METAP1D: variants seen among roughly 807,000 people sequenced by gnomAD.
The protein encoded by METAP1D is methionyl aminopeptidase type 1D, mitochondrial.
A neutral mutation model predicts 40.5 loss-of-function variants in METAP1D; 31 were observed. The ratio of observed to expected loss-of-function variants is 0.77; its 90% CI spans 0.58 to 1.03. METAP1D has a LOEUF of 1.03. METAP1D is among the 50% of genes least tolerant of loss of function. The pLI is 0.00. For synonymous variants in METAP1D, 151 were observed against 146.4 expected (o/e 1.03, Z -0.22); for missense variants, 411 against 420.7 (o/e 0.98, Z 0.20).
At chr2:172,036,178 G>C (rs962483627) in intron 1 of METAP1D, among the ~76,000 whole-genome samples, 1 of 151,004 alleles carries the variant, frequency 6.6e-6, no homozygotes, top group Non-Finnish European at 1.5e-5. Flanking sequence ...TTAGCTGGGC[G>C]TGGTGGCGGG....
intron 1 of METAP1D, among the ~76,000 whole-genome samples, chr2:172,019,297 C>T (rs1364996274): frequency 6.6e-6 from 1 of 151,864 alleles, no homozygotes; most frequent in Non-Finnish European, 1.5e-5. Context: ...GTACTCCAGC[C>T]TAGGTTAGAA....
At chr2:172,053,354 G>A (rs988917162) in intron 1 of METAP1D, among the ~76,000 whole-genome samples, 3 of 152,136 alleles carry the variant, frequency 2.0e-5, no homozygotes, top group African/African-American at 7.2e-5. Flanking sequence ...ACTGTAGGAG[G>A]CAACATTTTT....
intron 6 of METAP1D, among the ~76,000 whole-genome samples, chr2:172,071,601 T>C (rs1190840669): frequency 6.6e-6 from 1 of 152,226 alleles, no homozygotes; most frequent in African/African-American, 2.4e-5. Flanking sequence ...ATTTTTCCTG[T>C]AAACCGTTGT....
chr2:172,065,548 A>C, intron 3 of METAP1D, 56 bp from the exon 4 acceptor site: 1 of 1,580,182 alleles, frequency 6.3e-7, no homozygotes, highest in Non-Finnish European at 8.7e-7. Flanking sequence ...CATAGTTGAT[A>C]AATACAAGAA....
At position 171,999,977 on chromosome 2, in the gene METAP1D, C is replaced by T. The variant is rs751008827; in HGVS notation, c.8C>T (p.Ala3Val). The change falls in exon 1 of 10, where the codon GCG becomes GTG. Residue 3 changes from alanine to valine, a missense_variant. Transcript: ENST00000315796. Reference protein sequence around the residue: MAAPSGVHLLVRR... With the variant: MAVPSGVHLLVRR... ...CACGTGACCGACGCCAACATGGCGGCGCCCAGTGGCGTCCACCTGCTCGTC... is the reference window on the plus strand; with the variant it reads ...CACGTGACCGACGCCAACATGGCGGTGCCCAGTGGCGTCCACCTGCTCGTC... 3.7e-6 allele frequency: 5 copies of T among 1,352,148 alleles called. No homozygotes were observed. Among genetic ancestry groups the T allele is most frequent in the Non-Finnish European group, 4.8e-6 (5 of 1,045,264 alleles). 83.8% of individuals were successfully genotyped at this position (1,352,148 alleles called of 1,614,324 possible).
chr2:172,060,408 C>A (rs934203980), intron 1 of METAP1D, among the ~76,000 whole-genome samples: 5 of 147,434 alleles, frequency 3.4e-5, no homozygotes, highest in African/African-American at 5.0e-5. Flanking sequence ...CAGAGCAAGA[C>A]CCTGTCTCAA....
chr2:172,034,986 C>CTT (rs66853451), intron 1 of METAP1D, among the ~76,000 whole-genome samples: 77 of 135,600 alleles, frequency 5.7e-4, no homozygotes, highest in East Asian at 4.4e-3. Flanking sequence ...GAATTTTTTT[C>CTT]TTTTTTTTTT....
At chr2:172,032,205 C>T (rs1283776583) in intron 1 of METAP1D, among the ~76,000 whole-genome samples, 2 of 152,148 alleles carry the variant, frequency 1.3e-5, no homozygotes, top group African/African-American at 2.4e-5. Flanking sequence ...TCATCCCACT[C>T]CCGAAATAAA....
chr2:172,007,280 C>T (rs1459890677), intron 1 of METAP1D, among the ~76,000 whole-genome samples: 1 of 151,826 alleles, frequency 6.6e-6, no homozygotes, highest in Non-Finnish European at 1.5e-5. Context: ...AGCAATCCTC[C>T]TGCCTCAGCC....
chr2:172,047,999 G>A (rs371748711), intron 1 of METAP1D, among the ~76,000 whole-genome samples: 6 of 152,210 alleles, frequency 3.9e-5, no homozygotes, highest in African/African-American at 1.2e-4. Context: ...GGAACTCTCA[G>A]GAAAACATCA....
At chr2:172,008,958 G>C (rs1054946793) in intron 1 of METAP1D, among the ~76,000 whole-genome samples, 2 of 152,192 alleles carry the variant, frequency 1.3e-5, no homozygotes, top group Non-Finnish European at 2.9e-5. Flanking sequence ...TTCATGTCCT[G>C]AGCAGAATGG....
chr2:172,073,578 T>C (rs76992404), intron 6 of METAP1D, among the ~76,000 whole-genome samples: 73 of 152,322 alleles, frequency 4.8e-4, no homozygotes, highest in African/African-American at 1.7e-3. Flanking sequence ...TTTTTACTTG[T>C]ACCCTAATAC....
rs1311658447 is a variant in METAP1D at position 172,066,642 on chromosome 2, G to GTA, written c.540+336_540+337insTA. ...ACGCAGAGCACCACAGCACTGGGCA[G>GTA]CTGCTGAAGCTAGATATGTATGAGA... On this transcript the variant is annotated intron_variant, in intron 5 of 9. Transcript: ENST00000315796. Among the ~76,000 whole-genome samples the GTA allele has an allele frequency of 2.6e-5, 4 of 152,346 alleles. No homozygotes were observed. The East Asian group carries it at 5.8e-4, about 22-fold the overall frequency.
chr2:172,010,175 T>C (rs1437004642), intron 1 of METAP1D, among the ~76,000 whole-genome samples: 2 of 150,688 alleles, frequency 1.3e-5, no homozygotes, highest in Admixed American at 6.6e-5. Context: ...GGGTCTCACT[T>C]TGTCACCCAG....
chr2:172,079,144 C>A (rs1300390868), intron 7 of METAP1D, 71 bp from the exon 8 acceptor site: 2 of 1,497,598 alleles, frequency 1.3e-6, no homozygotes, highest in Non-Finnish European at 1.9e-6. Context: ...GGGGCCTGAC[C>A]CCTGTAATCT....
At chr2:172,032,932 G>A (rs1448138671) in intron 1 of METAP1D, among the ~76,000 whole-genome samples, 3 of 152,152 alleles carry the variant, frequency 2.0e-5, no homozygotes, top group African/African-American at 4.8e-5. Flanking sequence ...GGTGGCGGGC[G>A]TCTGTAGTCC....
chr2:172,008,015 TTTA>T (rs1439679866), intron 1 of METAP1D, among the ~76,000 whole-genome samples: 1 of 146,732 alleles, frequency 6.8e-6, no homozygotes, highest in Admixed American at 6.9e-5. Context: ...AATCTATAAG[TTTA>T]CTTTCCCTTT....
chr2:172,039,667 C>CTTTTTTTTTT (rs1553270203), intron 1 of METAP1D, among the ~76,000 whole-genome samples: 1 of 113,134 alleles, frequency 8.8e-6, no homozygotes. Context: ...ACCTTTAAAA[C>CTTTTTTTTTT]TTTTTTTTGT....
chr2:172,036,451 C>T (rs1032821916), intron 1 of METAP1D, among the ~76,000 whole-genome samples: 6 of 149,478 alleles, frequency 4.0e-5, no homozygotes, highest in South Asian at 2.1e-4. Context: ...ATGCAAGCTC[C>T]GCCTTCCGGG....
Sources: gnomAD v4.1 joint callset for allele counts (sites outside exome capture counted in the v4.1 genomes callset) on GRCh38, gnomAD v4.1.1 for gene constraint, MANE v1.5 for transcripts, NCBI Gene and HGNC (gene_info 2026-07-23, HGNC 2026-07-21) for gene names.